IGSF5: variants seen among roughly 807,000 people sequenced by gnomAD.
IGSF5 encodes the protein immunoglobulin superfamily member 5.
Under a neutral mutation model 39.4 loss-of-function variants are expected in IGSF5, and 41 were observed. That is an observed-to-expected ratio of 1.04 (90% CI 0.81 to 1.35). IGSF5 has a LOEUF of 1.35. Ranked by LOEUF, IGSF5 falls within the 40% of genes most tolerant of loss-of-function variation. The probability of loss-of-function intolerance (pLI) is 0.00; values close to 1 mark genes in which losing one functional copy is unlikely to be tolerated. For synonymous variants in IGSF5, 183 were observed against 175.3 expected (o/e 1.04, Z -0.34); for missense variants, 487 against 494.6 (o/e 0.98, Z 0.15).
chr21:39,788,480 A>C (rs1045099234), intron 6 of IGSF5, among the ~76,000 whole-genome samples: 7 of 152,214 alleles, frequency 4.6e-5, no homozygotes, highest in Non-Finnish European at 1.0e-4. Context: ...CTCTTTCCAC[A>C]AGAGGACACT....
At chr21:39,722,008 C>CT in the IGSF5 span, among the ~76,000 whole-genome samples, 2 of 152,216 alleles carry the variant, frequency 1.3e-5, no homozygotes, top group Admixed American at 6.5e-5. Context: ...AGTACAAAAG[C>CT]AGCCACAGAC....
chr21:39,763,835 G>C (rs1310240429), intron 2 of IGSF5, among the ~76,000 whole-genome samples: 1 of 152,154 alleles, frequency 6.6e-6, no homozygotes, highest in Non-Finnish European at 1.5e-5. Context: ...TTCATGGAAA[G>C]GGCATTGCGG....
chr21:39,722,983 A>G, the IGSF5 span, among the ~76,000 whole-genome samples: 1 of 152,214 alleles, frequency 6.6e-6, no homozygotes, highest in African/African-American at 2.4e-5. Flanking sequence ...GTTTTTCCTT[A>G]TAGGTGAATT....
chr21:39,772,181 C>T (rs1031894337), intron 4 of IGSF5, among the ~76,000 whole-genome samples: 3 of 152,228 alleles, frequency 2.0e-5, no homozygotes, highest in African/African-American at 7.2e-5. Context: ...ACCGGCCCTA[C>T]AGCCGTATGA....
At chr21:39,728,749 G>C in the IGSF5 span, among the ~76,000 whole-genome samples, 2 of 152,178 alleles carry the variant, frequency 1.3e-5, no homozygotes, top group African/African-American at 4.8e-5. Context: ...TGAGACTTTA[G>C]TTTTTGAATG....
the IGSF5 span, among the ~76,000 whole-genome samples, chr21:39,730,978 A>C: frequency 6.6e-6 from 1 of 152,210 alleles, no homozygotes; most frequent in Admixed American, 6.5e-5. Context: ...CCTCTCGCCT[A>C]TCAGCAAGCA....
At chr21:39,767,476 A>C (rs2080092571) in intron 3 of IGSF5, among the ~76,000 whole-genome samples, 1 of 152,142 alleles carries the variant, frequency 6.6e-6, no homozygotes, top group African/African-American at 2.4e-5. Context: ...CTGGGACACA[A>C]TTACTTAATG....
intron 4 of IGSF5, among the ~76,000 whole-genome samples, chr21:39,774,363 A>C (rs2080129299): frequency 1.3e-5 from 2 of 152,206 alleles, no homozygotes; most frequent in Non-Finnish European, 2.9e-5. Flanking sequence ...CCCATTTCCT[A>C]AAAGTGCAAA....
chr21:39,771,628 A>G (rs1363124796), intron 4 of IGSF5, among the ~76,000 whole-genome samples: 1 of 152,172 alleles, frequency 6.6e-6, no homozygotes, highest in African/African-American at 2.4e-5. Flanking sequence ...ATTTCTTCCA[A>G]TCTTAGTGGA....
upstream of IGSF5, among the ~76,000 whole-genome samples, chr21:39,741,234 T>C (rs1260624604): frequency 1.3e-5 from 2 of 152,220 alleles, no homozygotes; most frequent in Non-Finnish European, 2.9e-5. Flanking sequence ...TCTTACTAAA[T>C]GGGTATTGGC....
Position 39,769,432 on chromosome 21 carries a change from A to G in IGSF5, c.419-1484A>G, listed in dbSNP as rs559425153. 8.5e-5 allele frequency among the ~76,000 whole-genome samples: 12 copies of G among 141,912 alleles called. No homozygotes were observed. The South Asian group carries it at 2.7e-3, about 32-fold the overall frequency. 93.1% of individuals were successfully genotyped at this position (141,912 alleles called of 152,430 possible). On this transcript the variant is annotated intron_variant, in intron 3 of 8. Coordinates refer to ENST00000380588, the MANE Select transcript of IGSF5 (RefSeq NM_001080444.2). ...CCGTGAGCCAACATGGCACCATTGC[A>G]CTCCAGCCTGGGCAACAAGAGTGAA...
In IGSF5 at chr21:39,801,385, A is replaced by G. The variant is rs1405630579; in HGVS notation, c.*28A>G. 1.3e-6 allele frequency: 2 copies of G among 1,522,344 alleles called. No homozygotes were observed. Among genetic ancestry groups the G allele is most frequent in the East Asian group, 4.5e-5 (2 of 44,426 alleles). The allele number at this position is 1,522,344 out of a possible 1,614,324, so 94.3% of individuals were successfully genotyped here. ...AAGCCTTCCCCAAGCTCCACTGAGC[A>G]CTTGGCTGACAATTCAAAACACGGC... On this transcript the variant is annotated 3_prime_UTR_variant, in exon 9 of 9. Transcript: ENST00000380588.
intron 4 of IGSF5, among the ~76,000 whole-genome samples, chr21:39,772,664 G>A (rs544817677): frequency 1.3e-5 from 2 of 152,158 alleles, no homozygotes; most frequent in East Asian, 1.9e-4. Context: ...ACTTTTGAAC[G>A]GTACAGGTTA....
chr21:39,751,906 C>T (rs2080007586), intron 2 of IGSF5, among the ~76,000 whole-genome samples: 1 of 152,176 alleles, frequency 6.6e-6, no homozygotes, highest in African/African-American at 2.4e-5. Context: ...CTGGAGTCTT[C>T]CGAGTGCAGG....
the IGSF5 span, among the ~76,000 whole-genome samples, chr21:39,727,110 C>T: frequency 6.6e-6 from 1 of 152,006 alleles, no homozygotes; most frequent in Admixed American, 6.5e-5. Flanking sequence ...GTCTGGAAAC[C>T]AAATCTTGGA....
At chr21:39,751,480 C>T (rs1569247396) in intron 2 of IGSF5, 1 of 152,206 alleles carries the variant, frequency 6.6e-6, no homozygotes, top group Non-Finnish European at 1.5e-5. Context: ...TTTCCAACTT[C>T]CACAGAGTTA....
chr21:39,795,995 C>T (rs2086993810), intron 8 of IGSF5, among the ~76,000 whole-genome samples: 1 of 152,158 alleles, frequency 6.6e-6, no homozygotes, highest in South Asian at 2.1e-4. Context: ...AGAGGTCTAT[C>T]TTTGATTATG....
chr21:39,792,487 C>T (rs147635910), intron 7 of IGSF5, among the ~76,000 whole-genome samples: 145 of 152,252 alleles, frequency 9.5e-4, no homozygotes, highest in Middle Eastern at 6.8e-3. Context: ...ATGTAACAAA[C>T]ATGCACGTTG....
At chr21:39,792,800 C>T (rs1174863701) in intron 7 of IGSF5, among the ~76,000 whole-genome samples, 5 of 152,074 alleles carry the variant, frequency 3.3e-5, no homozygotes, top group South Asian at 2.1e-4. Context: ...GACAACATCA[C>T]CAGGAAGCAG....
Sources: allele counts gnomAD v4.1 joint callset (sites outside exome capture counted in the v4.1 genomes callset), GRCh38; gene constraint gnomAD v4.1.1; transcripts MANE v1.5; gene names NCBI Gene and HGNC (gene_info 2026-07-23, HGNC 2026-07-21).